The following METTL15 variants were observed in gnomAD, a reference collection of about 807,000 sequenced individuals.
METTL15 encodes 12S rRNA N(4)-cytidine methyltransferase METTL15.
METTL15 carries 34 observed loss-of-function variants against 38.3 expected under a neutral mutation model. That is an observed-to-expected ratio of 0.89 (90% CI 0.68 to 1.18). The LOEUF (loss-of-function observed/expected upper bound fraction) is 1.18, where lower values mean the gene tolerates loss of function less well. Among genes scored for constraint, METTL15 ranks in the 50% most tolerant of loss-of-function variants. METTL15 has a pLI of 0.00. For missense variants in METTL15, 438 were observed against 498.4 expected (o/e 0.88, Z 1.15); for synonymous variants, 162 against 170.9 (o/e 0.95, Z 0.41).
At chr11:28,405,303 T>C (rs1850664366) in intron 5 of METTL15, among the ~76,000 whole-genome samples, 1 of 152,184 alleles carries the variant, frequency 6.6e-6, no homozygotes, top group African/African-American at 2.4e-5. Flanking sequence ...AATCAGTGTT[T>C]TTAAAGAGAT....
chr11:28,248,825 G>T (rs1362604117), intron 4 of METTL15, among the ~76,000 whole-genome samples: 1 of 151,424 alleles, frequency 6.6e-6, no homozygotes, highest in African/African-American at 2.4e-5. Context: ...GAAAAAAAAA[G>T]CATCACTAAG....
At chr11:28,286,574 A>G (rs1271449392) in intron 4 of METTL15, among the ~76,000 whole-genome samples, 1 of 152,072 alleles carries the variant, frequency 6.6e-6, no homozygotes, top group Admixed American at 6.6e-5. Flanking sequence ...GGGGAGTACT[A>G]GGGACAAAAG....
At chr11:28,270,500 T>C (rs1335302079) in intron 4 of METTL15, among the ~76,000 whole-genome samples, 1 of 152,150 alleles carries the variant, frequency 6.6e-6, no homozygotes, top group African/African-American at 2.4e-5. Flanking sequence ...TTCCAGAACA[T>C]TGTAATATTA....
At chr11:28,455,797 C>A (rs562056427) in intron 6 of METTL15, among the ~76,000 whole-genome samples, 8 of 152,162 alleles carry the variant, frequency 5.3e-5, no homozygotes, top group Non-Finnish European at 8.8e-5. Flanking sequence ...AGCTCCACCT[C>A]CTGGGTTCAT....
At chr11:28,358,713 A>G (rs1850110773) in intron 4 of METTL15, among the ~76,000 whole-genome samples, 1 of 152,174 alleles carries the variant, frequency 6.6e-6, no homozygotes, top group Admixed American at 6.5e-5. Flanking sequence ...AGACTATGTG[A>G]TTTACTTTTG....
At chr11:28,250,702 C>A (rs570842036) in intron 4 of METTL15, among the ~76,000 whole-genome samples, 4 of 152,136 alleles carry the variant, frequency 2.6e-5, no homozygotes, top group African/African-American at 7.2e-5. Flanking sequence ...AAAGCCAAAT[C>A]AACCTTCTCT....
chr11:28,292,744 T>A (rs544631501), intron 5 of METTL15, among the ~76,000 whole-genome samples: 3 of 152,126 alleles, frequency 2.0e-5, no homozygotes, highest in African/African-American at 7.2e-5. Context: ...TTTTAATGAT[T>A]GCCATTCTAA....
At chr11:28,320,105 G>T (rs913040087) in intron 6 of METTL15, among the ~76,000 whole-genome samples, 2 of 151,608 alleles carry the variant, frequency 1.3e-5, no homozygotes, top group Non-Finnish European at 2.9e-5. Context: ...TTAGTACATT[G>T]TGGGTAATAA....
At chr11:28,461,867 C>A (rs1007433130) in intron 6 of METTL15, among the ~76,000 whole-genome samples, 2 of 151,876 alleles carry the variant, frequency 1.3e-5, no homozygotes, top group African/African-American at 4.8e-5. Context: ...AAAATGGAAA[C>A]AATTTTTAAA....
chr11:28,374,003 C>G (rs940638273), intron 5 of METTL15, among the ~76,000 whole-genome samples: 22 of 152,094 alleles, frequency 1.4e-4, no homozygotes, highest in Non-Finnish European at 2.9e-4. Flanking sequence ...TCTGAGGGCT[C>G]TGTTCTGTTC....
chr11:28,388,983 C>T (rs1324519289), intron 5 of METTL15, among the ~76,000 whole-genome samples: 4 of 152,034 alleles, frequency 2.6e-5, no homozygotes, highest in African/African-American at 9.7e-5. Flanking sequence ...TTTCCAGCTT[C>T]ATCCATGTCC....
chr11:28,400,621 C>A (rs1299660097), intron 5 of METTL15, among the ~76,000 whole-genome samples: 1 of 151,954 alleles, frequency 6.6e-6, no homozygotes. Flanking sequence ...TACATATTTT[C>A]CTGACATTTC....
At chr11:28,114,663 C>G (rs1047645450) in intron 3 of METTL15, among the ~76,000 whole-genome samples, 1 of 152,144 alleles carries the variant, frequency 6.6e-6, no homozygotes, top group Non-Finnish European at 1.5e-5. Flanking sequence ...GTTGGCCAGG[C>G]TGGTCATGAA....
At chr11:28,174,927 ATTTAC>A (rs1432994888) in intron 3 of METTL15, among the ~76,000 whole-genome samples, 247 of 144,328 alleles carry the variant, frequency 1.7e-3, no homozygotes, top group African/African-American at 5.8e-3. Context: ...TTTTTTTTAA[ATTTAC>A]TTTATTTTTA....
At chr11:28,473,774 C>T (rs543492952) in intron 6 of METTL15, among the ~76,000 whole-genome samples, 1 of 152,162 alleles carries the variant, frequency 6.6e-6, no homozygotes, top group Admixed American at 6.6e-5. Context: ...TTGGCCTGAC[C>T]CTCACACTCA....
rs181919874 is a variant in METTL15, at chr11:28,343,197, G to A, written c.*190-8893G>A. On this transcript the variant is annotated intron_variant and NMD_transcript_variant, in intron 3 of 7. Transcript: ENST00000532947. ...CATATATAATATTTTTTCATGGGGTGGGGAAGGTCAGGGAGAAGAAAAAAA... is the reference window on the plus strand; with the variant it reads ...CATATATAATATTTTTTCATGGGGTAGGGAAGGTCAGGGAGAAGAAAAAAA... Among the ~76,000 whole-genome samples the A allele has an allele frequency of 1.3e-3, 187 of 148,568 alleles. 1 individual carries two copies. The highest frequency in any genetic ancestry group is 4.5e-3 in the African/African-American group (179 of 39,924).
intron 6 of METTL15, among the ~76,000 whole-genome samples, chr11:28,493,883 C>G (rs991214249): frequency 1.3e-5 from 2 of 152,144 alleles, no homozygotes; most frequent in Non-Finnish European, 2.9e-5. Context: ...AAATAAATGA[C>G]TGCTTTTGCT....
intron 3 of METTL15, among the ~76,000 whole-genome samples, chr11:28,344,325 A>T (rs1252941390): frequency 3.3e-5 from 5 of 152,218 alleles, no homozygotes; most frequent in Non-Finnish European, 5.9e-5. Context: ...TGAATGAGCC[A>T]TATCTTCCTC....
downstream of METTL15, among the ~76,000 whole-genome samples, chr11:28,528,703 C>A (rs1851827778): frequency 6.6e-6 from 1 of 152,084 alleles, no homozygotes; most frequent in Non-Finnish European, 1.5e-5. Context: ...TGGACAAAAA[C>A]CTTATTTTTT....
Sources: gnomAD v4.1 joint callset for allele counts (sites outside exome capture counted in the v4.1 genomes callset) on GRCh38, gnomAD v4.1.1 for gene constraint, MANE v1.5 for transcripts, NCBI Gene and HGNC (gene_info 2026-07-23, HGNC 2026-07-21) for gene names.